Variants in MTUS1 observed in about 807,000 individuals in gnomAD.
MTUS1 encodes microtubule-associated tumor suppressor 1.
A neutral mutation model predicts 120.8 loss-of-function variants in MTUS1; 109 were observed. That is an observed-to-expected ratio of 0.90 (90% CI 0.77 to 1.06). The LOEUF (loss-of-function observed/expected upper bound fraction) is 1.06, where lower values mean the gene tolerates loss of function less well. Among genes scored for constraint, MTUS1 ranks in the 50% least tolerant of loss-of-function variants. The pLI is 0.00. For synonymous variants in MTUS1, 737 were observed against 550.5 expected, an observed-to-expected ratio of 1.34 and a Z score of -4.74; for missense variants, 2,210 against 1,486.3, an observed-to-expected ratio of 1.49 and a Z score of -8.01.
intron 3 of MTUS1, among the ~76,000 whole-genome samples, chr8:17,742,269 GTTTTTTT>G (rs1210338239): frequency 2.7e-4 from 26 of 94,906 alleles, no homozygotes; most frequent in South Asian, 7.7e-4. Context: ...ATGCCCAGCT[GTTTTTTT>G]TTTTTGTTGT....
rs561762945 is a variant in MTUS1 at position 17,722,012 on chromosome 8, G to A, written c.2449+1660C>T. 96 of 1,415,024 alleles carry A rather than the reference G, an allele frequency of 6.8e-5. No homozygotes were observed. The African/African-American group carries it at 8.4e-4, about 12-fold the overall frequency. 87.7% of individuals were successfully genotyped at this position (1,415,024 alleles called of 1,614,324 possible). Reference sequence around the variant, plus strand: ...AATGGAGGGAAAAAAAAAAAAATGCGTAAGCTCCAAGGCACTACACAAAAC... The same window carrying A: ...AATGGAGGGAAAAAAAAAAAAATGCATAAGCTCCAAGGCACTACACAAAAC... On this transcript the variant is annotated intron_variant, in intron 4 of 14. Coordinates refer to ENST00000693296, the MANE Select transcript of MTUS1 (RefSeq NM_001363059.2).
chr8:17,792,895 C>A (rs992044118), intron 1 of MTUS1, among the ~76,000 whole-genome samples: 10 of 152,258 alleles, frequency 6.6e-5, no homozygotes, highest in African/African-American at 2.2e-4. Context: ...ATTTTTTAAC[C>A]CTTAAACAGA....
At chr8:17,749,659 CAAAAAAAAAA>C (rs768210060) in intron 2 of MTUS1, among the ~76,000 whole-genome samples, 2 of 76,416 alleles carry the variant, frequency 2.6e-5, no homozygotes, top group African/African-American at 4.8e-5. Context: ...GAATCTGTCT[CAAAAAAAAAA>C]AAAAAAAAAG....
At chr8:17,704,724 C>A (rs1168607250) in intron 6 of MTUS1, among the ~76,000 whole-genome samples, 1 of 152,076 alleles carries the variant, frequency 6.6e-6, no homozygotes, top group African/African-American at 2.4e-5. Context: ...TGTTCTTTGT[C>A]AAGATTGTTT....
At chr8:17,654,134 A>G (rs946604185) in intron 10 of MTUS1, 1 of 184,112 alleles carries the variant, frequency 5.4e-6, no homozygotes, top group East Asian at 1.4e-4. Flanking sequence ...ACACCCTCCC[A>G]CTGATGACAG....
intron 6 of MTUS1, among the ~76,000 whole-genome samples, chr8:17,709,951 G>A (rs887349651): frequency 4.6e-5 from 7 of 151,670 alleles, no homozygotes; most frequent in African/African-American, 7.3e-5. Context: ...AGCTTGCAGC[G>A]AGCAGAGATC....
intron 8 of MTUS1, among the ~76,000 whole-genome samples, chr8:17,658,013 C>CTA (rs374097351): frequency 3.4e-5 from 3 of 87,304 alleles, no homozygotes; most frequent in South Asian, 6.9e-4. Context: ...CATATATACA[C>CTA]TATATATATA....
chr8:17,651,155 G>A (rs1806900165), intron 12 of MTUS1, among the ~76,000 whole-genome samples: 1 of 151,992 alleles, frequency 6.6e-6, no homozygotes, highest in South Asian at 2.1e-4. Flanking sequence ...TCTTTAGATA[G>A]TTCCCTGAGG....
At chr8:17,738,199 C>G (rs1187038215) in intron 3 of MTUS1, among the ~76,000 whole-genome samples, 2 of 152,308 alleles carry the variant, frequency 1.3e-5, no homozygotes, top group African/African-American at 2.4e-5. Flanking sequence ...TTCAGGAGGC[C>G]TTTCTTCACC....
intron 2 of MTUS1, among the ~76,000 whole-genome samples, chr8:17,744,231 T>C (rs1325974468): frequency 2.0e-5 from 3 of 152,148 alleles, no homozygotes; most frequent in Non-Finnish European, 4.4e-5. Context: ...TCCCAGATCT[T>C]TGGTCCCAAA....
At chr8:17,709,261 T>C (rs1201527408) in intron 6 of MTUS1, among the ~76,000 whole-genome samples, 2 of 152,178 alleles carry the variant, frequency 1.3e-5, no homozygotes, top group Non-Finnish European at 2.9e-5. Context: ...ATTCATGATG[T>C]AATGTTATCC....
At chr8:17,723,860 T>A in intron 3 of MTUS1, 27 bp from the exon 4 acceptor site, 1 of 1,523,704 alleles carries the variant, frequency 6.6e-7, no homozygotes, top group African/African-American at 1.4e-5. Flanking sequence ...AACAAAAAGT[T>A]TCCAGTGCTA....
chr8:17,742,417 G>A (rs1563302809), intron 3 of MTUS1, among the ~76,000 whole-genome samples: 1 of 151,216 alleles, frequency 6.6e-6, no homozygotes, highest in Non-Finnish European at 1.5e-5. Context: ...ACCCAGCCAG[G>A]ACTAGAGCTT....
At chr8:17,749,180 T>G (rs959602350) in intron 2 of MTUS1, among the ~76,000 whole-genome samples, 2 of 152,052 alleles carry the variant, frequency 1.3e-5, no homozygotes, top group African/African-American at 4.8e-5. Flanking sequence ...ACAAAGACCT[T>G]AAGACTGATA....
chr8:17,698,206 T>G (rs1182957641), intron 6 of MTUS1, among the ~76,000 whole-genome samples: 6 of 152,218 alleles, frequency 3.9e-5, no homozygotes, highest in African/African-American at 7.2e-5. Context: ...ATAGGCATAT[T>G]CTAAAGACTA....
chr8:17,796,879 G>A (rs1464166521), intron 1 of MTUS1, among the ~76,000 whole-genome samples: 3 of 152,176 alleles, frequency 2.0e-5, no homozygotes, highest in Non-Finnish European at 2.9e-5. Context: ...TTGGGAGGCT[G>A]ACGTAGGCAA....
At position 17,723,782 on chromosome 8, in the gene MTUS1, C is replaced by G; in HGVS notation, c.2339G>C (p.Arg780Thr). 6.2e-7 allele frequency: 1 copy of G among 1,609,546 alleles called. No individual in the cohort carries two copies. The highest frequency in any genetic ancestry group is 8.5e-7 in the Non-Finnish European group (1 of 1,177,238). The part of the protein sequence containing the change: ...TAQSSWVNLP[R>T]PLPKSKASLK... ...AGATGCTTTGGATTTAGGAAGTGGT[C>G]TAGGCAAATTCACCCATGACGACTG... Residue 780 changes from arginine (R) to threonine (T), a missense_variant, in exon 4 of 15, where the codon AGA becomes ACA. Physicochemically the swap from Arg to Thr is moderately conservative, Grantham distance 71. Transcript: ENST00000693296.
chr8:17,765,719 A>AC, intron 1 of MTUS1, among the ~76,000 whole-genome samples: 2 of 78,348 alleles, frequency 2.6e-5, no homozygotes, highest in Non-Finnish European at 6.2e-5. Flanking sequence ...CACACACACA[A>AC]ATGCACACAC....
chr8:17,656,519 C>G (rs1373670153), intron 8 of MTUS1, among the ~76,000 whole-genome samples: 2 of 148,632 alleles, frequency 1.3e-5, no homozygotes, highest in Non-Finnish European at 3.0e-5. Context: ...CAGACTGAGA[C>G]TCCATCTCAA....
Sources: allele counts gnomAD v4.1 joint callset (sites outside exome capture counted in the v4.1 genomes callset), GRCh38; gene constraint gnomAD v4.1.1; transcripts MANE v1.5; gene names NCBI Gene and HGNC (gene_info 2026-07-23, HGNC 2026-07-21).